The following EREG variants were observed in gnomAD, a reference collection of about 807,000 sequenced individuals.
EREG encodes the protein epiregulin, also known as proepiregulin.
In EREG, 23 loss-of-function variants were observed where a neutral mutation model predicts 22.4. The observed-to-expected ratio is 1.03, with a 90% CI of 0.74 to 1.46. EREG has a LOEUF of 1.46. EREG is among the 40% of genes most tolerant of loss of function. The pLI is 0.00. For synonymous variants in EREG, 100 were observed against 75.4 expected (o/e 1.33, Z -1.69); for missense variants, 226 against 205.9 (o/e 1.10, Z -0.60).
chr4:74,382,882 A>T (rs59340921), intron 4 of EREG, 88 bp downstream of exon 4: 40,434 of 961,780 alleles, frequency 0.042, 1,628 homozygotes, highest in African/African-American at 0.16. Flanking sequence ...TGGATAAAGT[A>T]TTAGAGAGAT....
In EREG at chr4:74,388,635, A is replaced by G. The variant is rs1433852913; in HGVS notation, c.*3827A>G. On this transcript the variant is annotated 3_prime_UTR_variant, in exon 5 of 5. Coordinates refer to ENST00000244869, the MANE Select transcript of EREG (RefSeq NM_001432.3). ...AGCTTTGATAATTGTGTACCTTAAG[A>G]TATTGAAGGAGAAAATAGATAATTT... The G allele has an allele frequency of 6.6e-6, 1 of 152,590 alleles. No individual in the cohort carries two copies. The allele number at this position is 152,590 out of a possible 1,614,324, so 9.5% of individuals were successfully genotyped here.
Position 74,388,362 on chromosome 4 carries a change from A to G in EREG, c.*3554A>G, listed in dbSNP as rs1020340025. The G allele has an allele frequency of 4.6e-5, 7 of 152,378 alleles. No individual in the cohort carries two copies. Among genetic ancestry groups the G allele is most frequent in the African/African-American group, 1.4e-4 (6 of 41,460 alleles). 9.4% of individuals were successfully genotyped at this position (152,378 alleles called of 1,614,324 possible). ...TTCTGGTGTATATTTTAATGTTTTT[A>G]AAAAGAGTAATTTCATTTAAATATC... On this transcript the variant is annotated 3_prime_UTR_variant, in exon 5 of 5. Coordinates refer to ENST00000244869, the MANE Select transcript of EREG (RefSeq NM_001432.3).
intron 1 of EREG, among the ~76,000 whole-genome samples, chr4:74,376,533 A>T (rs972514251): frequency 3.3e-5 from 5 of 152,264 alleles, no homozygotes; most frequent in Admixed American, 2.0e-4. Flanking sequence ...CTTATCCTCC[A>T]TAAAAAGCTT....
chr4:74,380,479 A>T (rs1313882618), intron 2 of EREG, among the ~76,000 whole-genome samples: 2 of 152,170 alleles, frequency 1.3e-5, no homozygotes, highest in Non-Finnish European at 2.9e-5. Flanking sequence ...AGGCCTCATT[A>T]TCAGAGATAT....
rs370303353 is a variant in EREG at position 74,384,755 on chromosome 4, A to G, written c.457A>G (p.Lys153Glu). 1 of 1,613,132 alleles carries G rather than the reference A, an allele frequency of 6.2e-7. No homozygotes were observed. Among genetic ancestry groups the G allele is most frequent in the Non-Finnish European group, 8.5e-7 (1 of 1,179,286 alleles). ...CAGAAATCGAAAAAGTAAAGAACCA[A>G]AGAAGGAATATGAGAGAGTTACCTC... ...WYRNRKSKEP[K>E]KEYERVTSGD... The change falls in exon 5 of 5, where the codon AAG (lysine) becomes GAG (glutamate). Residue 153 changes from lysine (K) to glutamate (E), a missense_variant. Lys to Glu is a moderately conservative substitution (Grantham distance 56). Coordinates refer to ENST00000244869, the MANE Select transcript of EREG (RefSeq NM_001432.3).
chr4:74,376,287 T>A (rs1752381925), intron 1 of EREG, among the ~76,000 whole-genome samples: 1 of 152,178 alleles, frequency 6.6e-6, no homozygotes, highest in Admixed American at 6.5e-5. Context: ...ATGTGCATTT[T>A]TTTCCCCCTG....
chr4:74,371,143 C>T (rs77914633), intron 1 of EREG, among the ~76,000 whole-genome samples: 2,245 of 152,196 alleles, frequency 0.015, 55 homozygotes, highest in African/African-American at 0.051. Context: ...TACAATTTTG[C>T]CAACCTTGGT....
At chr4:74,369,822 G>GA (rs552209443) in intron 1 of EREG, among the ~76,000 whole-genome samples, 58 of 143,586 alleles carry the variant, frequency 4.0e-4, no homozygotes, top group Admixed American at 6.2e-4. Context: ...TTTCTCATCC[G>GA]AAAAAAAAAA....
At chr4:74,366,867 G>A (rs1752195039) in intron 1 of EREG, among the ~76,000 whole-genome samples, 1 of 152,148 alleles carries the variant, frequency 6.6e-6, no homozygotes, top group Non-Finnish European at 1.5e-5. Context: ...AGTTAGGTCA[G>A]TTTCTGTTTT....
At chr4:74,375,472 C>A (rs1445130868) in intron 1 of EREG, among the ~76,000 whole-genome samples, 2 of 144,526 alleles carry the variant, frequency 1.4e-5, no homozygotes, top group East Asian at 4.1e-4. Context: ...GCGCCCGCCA[C>A]CATGCCTGGC....
intron 3 of EREG, chr4:74,381,576 C>CA (rs1752475727): frequency 6.6e-6 from 1 of 152,446 alleles, no homozygotes; most frequent in Admixed American, 6.5e-5. Context: ...ACACATATGT[C>CA]AGAGGTGCAG....
intron 4 of EREG, among the ~76,000 whole-genome samples, chr4:74,384,053 A>G (rs1752525832): frequency 6.6e-6 from 1 of 152,126 alleles, no homozygotes; most frequent in South Asian, 2.1e-4. Context: ...GACAAAATAA[A>G]CTCAAAAATA....
At chr4:74,380,395 A>G (rs72859363) in intron 2 of EREG, among the ~76,000 whole-genome samples, 11,767 of 152,200 alleles carry the variant, frequency 0.077, 808 homozygotes, top group African/African-American at 0.18. Flanking sequence ...ATTTTACACA[A>G]AGGCTCCTAT....
Position 74,379,498 on chromosome 4 carries a change from AT to A in EREG, c.119del (p.Ile40ThrfsTer12), listed in dbSNP as rs762982346. The A allele has an allele frequency of 1.9e-6, 3 of 1,612,574 alleles. No individual in the cohort carries two copies. In the South Asian group the frequency reaches 3.3e-5, roughly 18 times the overall value. ...CAGTACAACTGTGATTCCATCATGTATCCCAGGAGAGTCCAGTGATAACTGC... is the reference window on the plus strand; with the variant it reads ...CAGTACAACTGTGATTCCATCATGTACCCAGGAGAGTCCAGTGATAACTGC... ...VLSTTVIPSC[I>X]PGESSDNCTA... On this transcript the variant is annotated frameshift_variant, in exon 2 of 5. Transcript: ENST00000244869. LOFTEE classifies it high-confidence loss of function.
At chr4:74,377,236 A>G (rs1267552377) in intron 1 of EREG, among the ~76,000 whole-genome samples, 1 of 151,994 alleles carries the variant, frequency 6.6e-6, no homozygotes, top group East Asian at 1.9e-4. Context: ...ATTAACACCC[A>G]GAAAAGTAAA....
Position 74,384,709 on chromosome 4 carries a change from G to T in EREG, c.429-18G>T. 1 of 1,524,240 alleles carries T rather than the reference G, an allele frequency of 6.6e-7. No individual in the cohort carries two copies. Among genetic ancestry groups the T allele is most frequent in the Non-Finnish European group, 9.1e-7 (1 of 1,098,976 alleles). 94.4% of individuals were successfully genotyped at this position (1,524,240 alleles called of 1,614,324 possible). ...TATTAACTGCAGTGCTAACAGTTTCGTTTGTGAATATTTCCAGGTACAGAA... is the reference window on the plus strand; with the variant it reads ...TATTAACTGCAGTGCTAACAGTTTCTTTTGTGAATATTTCCAGGTACAGAA... On this transcript the variant is annotated intron_variant, in intron 4 of 4. Coordinates refer to ENST00000244869, the MANE Select transcript of EREG (RefSeq NM_001432.3).
intron 1 of EREG, among the ~76,000 whole-genome samples, chr4:74,376,281 G>A (rs1383156486): frequency 6.6e-6 from 1 of 152,062 alleles, no homozygotes; most frequent in African/African-American, 2.4e-5. Context: ...CTTCAAATGT[G>A]CATTTTTTTC....
chr4:74,381,081 C>T lies in EREG; in HGVS notation c.222C>T (p.Gly74=). The stretch of plus-strand genomic sequence containing the variant: ...CAAAGTGTAGCTCTGACATGAATGG[C>T]TATTGTTTGCATGGACAGTGCATCT... ...SITKCSSDMN[G]YCLHGQCIYL... Residue 74 remains glycine (G), a synonymous_variant, in exon 3 of 5, where the codon GGC becomes GGT. Coordinates refer to ENST00000244869, the MANE Select transcript of EREG (RefSeq NM_001432.3). 1 of 1,613,336 alleles carries T rather than the reference C, an allele frequency of 6.2e-7. No individual in the cohort carries two copies. The highest frequency in any genetic ancestry group is 8.5e-7 in the Non-Finnish European group (1 of 1,179,430).
Position 74,384,925 on chromosome 4 carries a change from A to C in EREG, c.*117A>C. ...TGTTAGGTCAATAACACTGTATTTT[A>C]ATGTACTTGAAAAATGTTTTTATTT... On this transcript the variant is annotated 3_prime_UTR_variant, in exon 5 of 5. Coordinates refer to ENST00000244869, the MANE Select transcript of EREG (RefSeq NM_001432.3). 2.0e-6 allele frequency: 1 copy of C among 507,848 alleles called. No homozygotes were observed. Among genetic ancestry groups the C allele is most frequent in the Non-Finnish European group, 3.5e-6 (1 of 285,176 alleles). 31.5% of individuals were successfully genotyped at this position (507,848 alleles called of 1,614,324 possible). A position where few individuals can be genotyped will look rare whatever the true frequency, so the allele number is the denominator to read the frequency against.
Sources: allele counts gnomAD v4.1 joint callset (sites outside exome capture counted in the v4.1 genomes callset), GRCh38; gene constraint gnomAD v4.1.1; transcripts MANE v1.5; gene names NCBI Gene and HGNC (gene_info 2026-07-23, HGNC 2026-07-21).